The following DNAH11 variants were observed in gnomAD, a reference collection of about 807,000 sequenced individuals.
The protein encoded by DNAH11 is axonemal beta dynein heavy chain 11.
A neutral mutation model predicts 526.0 loss-of-function variants in DNAH11; 442 were observed. The observed-to-expected ratio is 0.84, with a 90% CI of 0.78 to 0.91. The LOEUF is 0.91. Ranked by LOEUF, DNAH11 falls within the 40% of genes least tolerant of loss-of-function variation. DNAH11 has a pLI of 0.00. For synonymous variants in DNAH11, 2,461 were observed against 1,935.9 expected (o/e 1.27, Z -7.12); for missense variants, 6,989 against 5,448.7 (o/e 1.28, Z -8.90).
intron 44 of DNAH11, 104 bp from the exon 45 acceptor site, chr7:21,725,707 T>A: frequency 2.5e-6 from 3 of 1,207,228 alleles, no homozygotes; most frequent in Non-Finnish European, 2.3e-6. Context: ...TATATGGCAA[T>A]TTTAGGTTTC....
At chr7:21,773,682 A>C in intron 55 of DNAH11, 84 bp from the exon 56 acceptor site, 1 of 1,046,562 alleles carries the variant, frequency 9.6e-7, no homozygotes. Context: ...TTTTAGAAAA[A>C]AAATGATCAT....
At chr7:21,654,711 A>G (rs1392028914) in intron 28 of DNAH11, among the ~76,000 whole-genome samples, 1 of 152,184 alleles carries the variant, frequency 6.6e-6, no homozygotes, top group Non-Finnish European at 1.5e-5. Context: ...ACAAGGGAAC[A>G]TGTATTCCCA....
Position 21,867,959 on chromosome 7 carries a change from T to C in DNAH11, c.11791T>C (p.Phe3931Leu), listed in dbSNP as rs1426278188. The change falls in exon 72 of 82, where the codon TTC (phenylalanine) becomes CTC (leucine). Residue 3931 changes from phenylalanine to leucine, a missense_variant. Transcript: ENST00000409508. ...AAGCAGCCCAGCCACCCCCATATTC[T>C]TCATCCTGTCTCCGGGGGTAGATGC... ...EESSPATPIFFILSPGVDALK... is the reference protein window; with the variant it reads ...EESSPATPIFLILSPGVDALK... The C allele has an allele frequency of 1.9e-6, 3 of 1,566,852 alleles. No homozygotes were observed. The highest frequency in any genetic ancestry group is 1.4e-5 in the African/African-American group (1 of 73,878).
chr7:21,661,914 G>C (rs909615165), intron 30 of DNAH11, among the ~76,000 whole-genome samples: 2 of 151,984 alleles, frequency 1.3e-5, no homozygotes, highest in Non-Finnish European at 2.9e-5. Flanking sequence ...CTACCTTCCA[G>C]GTCAAGCAAT....
intron 42 of DNAH11, among the ~76,000 whole-genome samples, chr7:21,716,881 C>A (rs59461407): frequency 1.3e-5 from 2 of 152,102 alleles, no homozygotes; most frequent in East Asian, 1.9e-4. Context: ...TATTGTGAAG[C>A]CTTGAGAAAA....
intron 45 of DNAH11, among the ~76,000 whole-genome samples, chr7:21,734,176 G>C (rs948205763): frequency 6.6e-6 from 1 of 152,284 alleles, no homozygotes; most frequent in East Asian, 1.9e-4. Context: ...GACCTTGACC[G>C]AGTCAGTTAT....
intron 79 of DNAH11, among the ~76,000 whole-genome samples, chr7:21,898,203 C>G (rs1391437751): frequency 6.6e-6 from 1 of 152,112 alleles, no homozygotes; most frequent in African/African-American, 2.4e-5. Flanking sequence ...GTCTTCCTGC[C>G]TTTGCTTTTC....
At chr7:21,730,519 A>T (rs1427042267) in intron 45 of DNAH11, among the ~76,000 whole-genome samples, 1 of 152,246 alleles carries the variant, frequency 6.6e-6, no homozygotes, top group Non-Finnish European at 1.5e-5. Context: ...TTCAGCCTTT[A>T]ACAAGAAGGA....
intron 79 of DNAH11, among the ~76,000 whole-genome samples, chr7:21,896,336 CTTGA>C (rs551631142): frequency 1.6e-4 from 25 of 152,230 alleles, no homozygotes; most frequent in Middle Eastern, 3.4e-3. Context: ...CACTCTCCTT[CTTGA>C]TTGATAGTTT....
intron 14 of DNAH11, among the ~76,000 whole-genome samples, chr7:21,593,322 T>C (rs1784757775): frequency 6.6e-6 from 1 of 152,060 alleles, no homozygotes; most frequent in African/African-American, 2.4e-5. Context: ...GGTGATTTCA[T>C]GTGGTGGCAG....
Position 21,588,681 on chromosome 7 carries a change from G to A in DNAH11, c.1973+45G>A, listed in dbSNP as rs529073701. The A allele has an allele frequency of 5.4e-5, 86 of 1,594,332 alleles. 1 individual carries two copies. Among genetic ancestry groups the A allele is most frequent in the South Asian group, 4.6e-4 (42 of 90,610 alleles). Reference sequence around the variant, plus strand: ...TCATGGCAAGTTATTCTAATGGTACGGGTGACATTTTATATAAGAGAGTGA... The same window carrying A: ...TCATGGCAAGTTATTCTAATGGTACAGGTGACATTTTATATAAGAGAGTGA... On this transcript the variant is annotated intron_variant, in intron 11 of 81. Transcript: ENST00000409508.
chr7:21,543,350 CGAG>C lies in DNAH11; in HGVS notation c.118_120del (p.Glu40del), dbSNP rs754826899. ...TGGAGGCAGTGGGCGCTGTGGAGCTCGAGGAGGAGGAGGAGAACGAGGAGGAGG... is the reference window on the plus strand; with the variant it reads ...TGGAGGCAGTGGGCGCTGTGGAGCTCGAGGAGGAGGAGAACGAGGAGGAGG... On this transcript the variant is annotated inframe_deletion, in exon 1 of 82. Transcript: ENST00000409508. The C allele has an allele frequency of 5.1e-5, 76 of 1,479,932 alleles. No homozygotes were observed. The highest frequency in any genetic ancestry group is 1.9e-4 in the Admixed American group (9 of 48,358). The allele number at this position is 1,479,932 out of a possible 1,614,324, so 91.7% of individuals were successfully genotyped here. A position where few individuals can be genotyped will look rare whatever the true frequency, so the allele number is the denominator to read the frequency against.
At chr7:21,751,338 G>A (rs1167395164) in intron 54 of DNAH11, among the ~76,000 whole-genome samples, 8 of 152,018 alleles carry the variant, frequency 5.3e-5, no homozygotes, top group African/African-American at 1.9e-4. Context: ...AACAAAAGAA[G>A]TAATGCTCAG....
At position 21,816,636 on chromosome 7, in the gene DNAH11, A is replaced by T. The variant is rs769302465; in HGVS notation, c.10502A>T (p.Gln3501Leu). 1.1e-5 allele frequency: 18 copies of T among 1,613,750 alleles called. 1 individual carries two copies. In the South Asian group the frequency reaches 2.0e-4, roughly 18 times the overall value. The stretch of plus-strand genomic sequence containing the variant: ...CCTCTGGTGATAGATCCCCAGCAAC[A>T]GGGAATTAAGTGGATCAAGAATAAG... ...RWPLVIDPQQ[Q>L]GIKWIKNKYG... The change falls in exon 64 of 82, where the codon CAG (glutamine) becomes CTG (leucine). Residue 3501 changes from glutamine (Q) to leucine (L), a missense_variant. Coordinates refer to ENST00000409508, the MANE Select transcript of DNAH11 (RefSeq NM_001277115.2).
chr7:21,641,473 T>G (rs552417716), intron 28 of DNAH11, among the ~76,000 whole-genome samples: 41 of 152,314 alleles, frequency 2.7e-4, no homozygotes, highest in African/African-American at 9.9e-4. Context: ...CCATGTCCAT[T>G]ACCTTCAGAA....
At chr7:21,612,382 T>C (rs375090138) in intron 20 of DNAH11, among the ~76,000 whole-genome samples, 93 of 151,608 alleles carry the variant, frequency 6.1e-4, no homozygotes, top group East Asian at 2.3e-3. Flanking sequence ...GGTGAAACCC[T>C]GTCTCTACTA....
At chr7:21,897,439 A>ACCT (rs1554293767) in intron 79 of DNAH11, among the ~76,000 whole-genome samples, 3 of 151,660 alleles carry the variant, frequency 2.0e-5, no homozygotes, top group African/African-American at 2.4e-5. Context: ...AAGCTAGCAT[A>ACCT]CTTCTTTTCC....
rs778763544 is a variant in DNAH11, at chr7:21,899,374, C to G, written c.13088C>G (p.Thr4363Ser). Residue 4363 changes from threonine to serine, a missense_variant, in exon 80 of 82, where the codon ACT (threonine) becomes AGT (serine). Coordinates refer to ENST00000409508, the MANE Select transcript of DNAH11 (RefSeq NM_001277115.2). ...CTCCTGCGATGCCGAGAACTCGATA[C>G]TTGGACACAAGACCTTACCCTTCCG... Reference protein sequence around the residue: ...DLLLRCRELDTWTQDLTLPAV... With the variant: ...DLLLRCRELDSWTQDLTLPAV... The G allele has an allele frequency of 6.2e-6, 10 of 1,613,926 alleles. No homozygotes were observed. The highest frequency in any genetic ancestry group is 1.3e-5 in the African/African-American group (1 of 74,940).
chr7:21,718,144 T>C (rs1426291757), intron 43 of DNAH11, among the ~76,000 whole-genome samples: 1 of 151,586 alleles, frequency 6.6e-6, no homozygotes, highest in African/African-American at 2.4e-5. Context: ...GTGCTCTCCT[T>C]CTTTTCACAA....
Sources: allele counts gnomAD v4.1 joint callset (sites outside exome capture counted in the v4.1 genomes callset), GRCh38; gene constraint gnomAD v4.1.1; transcripts MANE v1.5; gene names NCBI Gene and HGNC (gene_info 2026-07-23, HGNC 2026-07-21).